The following CDC6 variants were observed in gnomAD, a reference collection of about 807,000 sequenced individuals.
The protein encoded by CDC6 is DNA replication factor CDC6.
Under a neutral mutation model 60.2 loss-of-function variants are expected in CDC6, and 46 were observed. The ratio of observed to expected loss-of-function variants is 0.76; its 90% CI spans 0.60 to 0.98. The LOEUF (loss-of-function observed/expected upper bound fraction) is 0.98, where lower values mean the gene tolerates loss of function less well. Ranked by LOEUF, CDC6 falls within the 50% of genes least tolerant of loss-of-function variation. The probability of loss-of-function intolerance (pLI) is 0.00; values close to 1 mark genes in which losing one functional copy is unlikely to be tolerated. For synonymous variants in CDC6, 210 were observed against 233.2 expected (o/e 0.90, Z 0.90); for missense variants, 596 against 652.9 (o/e 0.91, Z 0.95).
chr17:40,301,190 TC>T (rs2032935342), intron 10 of CDC6, among the ~76,000 whole-genome samples, 160 bp downstream of exon 10: 1 of 152,208 alleles, frequency 6.6e-6, no homozygotes, highest in South Asian at 2.1e-4. Flanking sequence ...GGCACCTATT[TC>T]CCTTGGATTG....
intron 4 of CDC6, among the ~76,000 whole-genome samples, chr17:40,292,833 A>G (rs1294167769): frequency 2.0e-5 from 3 of 151,714 alleles, no homozygotes; most frequent in Non-Finnish European, 4.4e-5. Context: ...CGGGAGGCTG[A>G]GGCAGGAGAA....
chr17:40,294,339 T>A, intron 6 of CDC6, 25 bp from the exon 7 acceptor site: 1 of 1,557,744 alleles, frequency 6.4e-7, no homozygotes, highest in African/African-American at 1.4e-5. Flanking sequence ...TGACCAATGA[T>A]CAATGTTGTT....
In CDC6 at chr17:40,304,111, C is replaced by G. The variant is rs758746824; in HGVS notation, c.*2110C>G. 6.6e-6 allele frequency: 1 copy of G among 152,278 alleles called. No homozygotes were observed. Among genetic ancestry groups the G allele is most frequent in the Non-Finnish European group, 1.5e-5 (1 of 68,062 alleles). The allele number at this position is 152,278 out of a possible 1,614,324, so 9.4% of individuals were successfully genotyped here. A position where few individuals can be genotyped will look rare whatever the true frequency, so the allele number is the denominator to read the frequency against. ...TTTCCCCTCTATCTTTCCCTTTCCC[C>G]TGGTTTTGGAAATAGAGTTTTCTGT... On this transcript the variant is annotated 3_prime_UTR_variant, in exon 12 of 12. Coordinates refer to ENST00000209728, the MANE Select transcript of CDC6 (RefSeq NM_001254.4).
chr17:40,291,519 C>A lies in CDC6; in HGVS notation c.511C>A (p.Arg171=), dbSNP rs757198932. Residue 171 remains arginine (R), a synonymous_variant, in exon 4 of 12, where the codon CGG becomes AGG. Transcript: ENST00000209728. Reference sequence around the variant, plus strand: ...GGTCCTGAACACAGCTGTCCCAGATCGGCTGCCTGCCAGGGAAAGGGAGAT... The same window carrying A: ...GGTCCTGAACACAGCTGTCCCAGATAGGCTGCCTGCCAGGGAAAGGGAGAT... ...KLVLNTAVPD[R]LPAREREMDV... is the part of the protein sequence containing the mutation. 2 of 1,614,026 alleles carry A rather than the reference C, an allele frequency of 1.2e-6. No individual in the cohort carries two copies. The highest frequency in any genetic ancestry group is 1.7e-5 in the Admixed American group (1 of 59,998).
chr17:40,293,563 C>T lies in CDC6; in HGVS notation c.768C>T (p.Ser256=). 3 of 1,613,830 alleles carry T rather than the reference C, an allele frequency of 1.9e-6. No individual in the cohort carries two copies. The highest frequency in any genetic ancestry group is 2.5e-6 in the Non-Finnish European group (3 of 1,179,714). Reference sequence around the variant, plus strand: ...AGGAGATTTGTCAGGAAGAGGTATCCAGGCCAGCTGGGAAGGACATGATGA... The same window carrying T: ...AGGAGATTTGTCAGGAAGAGGTATCTAGGCCAGCTGGGAAGGACATGATGA... The part of the protein sequence containing the change: ...IAQEICQEEV[S]RPAGKDMMRK... The change falls in exon 5 of 12, where the codon TCC becomes TCT. Residue 256 remains serine, a synonymous_variant. Transcript: ENST00000209728.
intron 9 of CDC6, among the ~76,000 whole-genome samples, chr17:40,299,624 A>C (rs2032909835): frequency 1.3e-5 from 2 of 152,094 alleles, no homozygotes; most frequent in African/African-American, 4.8e-5. Context: ...CTGGCCAGGC[A>C]TGGTGGCTTA....
intron 2 of CDC6, among the ~76,000 whole-genome samples, chr17:40,290,831 G>A (rs897777340): frequency 3.3e-5 from 5 of 152,150 alleles, no homozygotes; most frequent in Non-Finnish European, 7.4e-5. Context: ...TTTCCATTTA[G>A]TATTTTCAGA....
At chr17:40,297,538 G>A (rs1049587001) in intron 9 of CDC6, among the ~76,000 whole-genome samples, 1 of 152,172 alleles carries the variant, frequency 6.6e-6, no homozygotes, top group African/African-American at 2.4e-5. Context: ...ACAGGTTGAT[G>A]AGTGCAGCAA....
intron 7 of CDC6, 105 bp from the exon 8 acceptor site, chr17:40,295,251 C>T: frequency 1.2e-6 from 1 of 813,162 alleles, no homozygotes; most frequent in Non-Finnish European, 2.2e-6. Flanking sequence ...TAAAGAGTTG[C>T]CAATCAAGTT....
At chr17:40,293,810 T>C in intron 5 of CDC6, 140 bp from the exon 6 acceptor site, 3 of 895,736 alleles carry the variant, frequency 3.3e-6, no homozygotes, top group Admixed American at 3.6e-5. Flanking sequence ...GGGGTATCCT[T>C]GTAGCAGTAA....
At chr17:40,290,287 A>T (rs1012951821) in intron 2 of CDC6, among the ~76,000 whole-genome samples, 2 of 152,190 alleles carry the variant, frequency 1.3e-5, no homozygotes, top group Admixed American at 6.5e-5. Context: ...AGTGATTGGT[A>T]ATTCTTTCTT....
intron 1 of CDC6, among the ~76,000 whole-genome samples, chr17:40,288,677 C>T (rs4134996): frequency 1.1e-4 from 16 of 151,652 alleles, no homozygotes; most frequent in African/African-American, 3.1e-4. Context: ...CTCCGCCTCC[C>T]GGGTTCATGC....
chr17:40,300,350 A>C (rs2032921046), intron 9 of CDC6, among the ~76,000 whole-genome samples: 1 of 152,132 alleles, frequency 6.6e-6, no homozygotes, highest in South Asian at 2.1e-4. Context: ...ACTAGGAACT[A>C]GCCTGGCATG....
chr17:40,291,534 G>A lies in CDC6; in HGVS notation c.526G>A (p.Glu176Lys). ...TGTCCCAGATCGGCTGCCTGCCAGG[G>A]AAAGGGAGATGGATGTCATCAGGAA... Reference protein sequence around the residue: ...TAVPDRLPAREREMDVIRNFL... With the variant: ...TAVPDRLPARKREMDVIRNFL... Residue 176 changes from glutamate to lysine, a missense_variant, in exon 4 of 12, where the codon GAA (glutamate) becomes AAA (lysine). By Grantham distance (56) the Glu-to-Lys change is moderately conservative. Coordinates refer to ENST00000209728, the MANE Select transcript of CDC6 (RefSeq NM_001254.4). 1 of 1,614,208 alleles carries A rather than the reference G, an allele frequency of 6.2e-7. No homozygotes were observed.
Position 40,294,469 on chromosome 17 carries a change from A to C in CDC6, c.1049A>C (p.Gln350Pro). Reference protein sequence around the residue: ...LLNFPPYTRNQIVTILQDRLN... With the variant: ...LLNFPPYTRNPIVTILQDRLN... The stretch of plus-strand genomic sequence containing the variant: ...AACTTCCCACCTTATACCAGAAATC[A>C]GATAGTCACTATTTTGCAAGATCGA... The change falls in exon 7 of 12, where the codon CAG becomes CCG. Residue 350 changes from glutamine to proline, a missense_variant. By Grantham distance (76) the Gln-to-Pro change is moderately conservative. Transcript: ENST00000209728. 6.2e-7 allele frequency: 1 copy of C among 1,614,126 alleles called. No homozygotes were observed. Among genetic ancestry groups the C allele is most frequent in the East Asian group, 2.2e-5 (1 of 44,864 alleles).
Position 40,291,040 on chromosome 17 carries a change from T to A in CDC6, c.179-18T>A. 4 of 1,613,734 alleles carry A rather than the reference T, an allele frequency of 2.5e-6. No homozygotes were observed. The South Asian group carries it at 3.3e-5, about 13-fold the overall frequency. On this transcript the variant is annotated intron_variant, in intron 2 of 11. Coordinates refer to ENST00000209728, the MANE Select transcript of CDC6 (RefSeq NM_001254.4). The stretch of plus-strand genomic sequence containing the variant: ...CCAATGCTATGAGTGACTACATTTT[T>A]ATTTTATTGTGTTTCAGGCGATGAC...
chr17:40,292,586 G>A (rs2032780562), intron 4 of CDC6, among the ~76,000 whole-genome samples: 2 of 151,280 alleles, frequency 1.3e-5, no homozygotes, highest in Non-Finnish European at 2.9e-5. Context: ...AGTGAGCTGA[G>A]ATCGCGCTAC....
chr17:40,297,766 C>T (rs1198919208), intron 9 of CDC6, among the ~76,000 whole-genome samples: 5 of 152,212 alleles, frequency 3.3e-5, no homozygotes, highest in East Asian at 1.9e-4. Context: ...GAGACCCTGT[C>T]CCAAAAGAAT....
At chr17:40,295,651 C>A in intron 8 of CDC6, 195 bp downstream of exon 8, 1 of 596,910 alleles carries the variant, frequency 1.7e-6, no homozygotes. Flanking sequence ...ATTATCAGTC[C>A]ATTACCTACA....
Sources: gnomAD v4.1 joint callset for allele counts (sites outside exome capture counted in the v4.1 genomes callset) on GRCh38, gnomAD v4.1.1 for gene constraint, MANE v1.5 for transcripts, NCBI Gene and HGNC (gene_info 2026-07-23, HGNC 2026-07-21) for gene names.